ST6GALNAC3: variants seen among roughly 807,000 people sequenced by gnomAD.
ST6GALNAC3 encodes the protein ST6 N-acetylgalactosaminide alpha-2,6-sialyltransferase 3, also known as alpha-N-acetylgalactosaminide alpha-2,6-sialyltransferase 3.
In ST6GALNAC3, 25 loss-of-function variants were observed where a neutral mutation model predicts 32.7. The ratio of observed to expected loss-of-function variants is 0.76; its 90% CI spans 0.56 to 1.07. ST6GALNAC3 has a LOEUF of 1.07. ST6GALNAC3 is among the 50% of genes least tolerant of loss of function. ST6GALNAC3 has a pLI of 0.00. For synonymous variants in ST6GALNAC3, 129 were observed against 133.1 expected, an observed-to-expected ratio of 0.97 and a Z score of 0.21; for missense variants, 355 against 382.4, an observed-to-expected ratio of 0.93 and a Z score of 0.60.
chr1:76,482,916 C>T (rs1659831315), intron 3 of ST6GALNAC3, among the ~76,000 whole-genome samples: 1 of 147,088 alleles, frequency 6.8e-6, no homozygotes, highest in Non-Finnish European at 1.5e-5. Flanking sequence ...TGATGTTCCC[C>T]TTCCTGTGTC....
chr1:76,250,160 T>A (rs1470603712), intron 1 of ST6GALNAC3, among the ~76,000 whole-genome samples: 1 of 152,216 alleles, frequency 6.6e-6, no homozygotes, highest in Non-Finnish European at 1.5e-5. Context: ...GTGACAGATC[T>A]AAGGAATCAG....
At chr1:76,425,395 C>A (rs201031748) in intron 3 of ST6GALNAC3, among the ~76,000 whole-genome samples, 1 of 152,096 alleles carries the variant, frequency 6.6e-6, no homozygotes, top group African/African-American at 2.4e-5. Flanking sequence ...CACCCGCGTA[C>A]ACTCACACCA....
intron 1 of ST6GALNAC3, among the ~76,000 whole-genome samples, chr1:76,254,929 T>G (rs956533720): frequency 9.2e-5 from 14 of 151,996 alleles, no homozygotes; most frequent in Non-Finnish European, 1.5e-4. Flanking sequence ...AACATCATAT[T>G]ACTTCAGGTT....
In ST6GALNAC3 at chr1:76,629,979, TAAC is replaced by T. The variant is rs1159893858; in HGVS notation, c.*1179_*1181del. 1 of 985,088 alleles carries T rather than the reference TAAC, an allele frequency of 1.0e-6. No homozygotes were observed. The allele number at this position is 985,088 out of a possible 1,614,324, so 61.0% of individuals were successfully genotyped here. On this transcript the variant is annotated 3_prime_UTR_variant, in exon 5 of 5. Transcript: ENST00000328299. Reference sequence around the variant, plus strand: ...TAGTGTATCAGTTGTTATGCCACAATAACAACAATAATAATGTTCTTAATGTCC... The same window carrying T: ...TAGTGTATCAGTTGTTATGCCACAATAACAATAATAATGTTCTTAATGTCC...
chr1:76,234,625 C>G (rs1004863637), intron 1 of ST6GALNAC3, among the ~76,000 whole-genome samples: 2 of 152,238 alleles, frequency 1.3e-5, no homozygotes, highest in African/African-American at 4.8e-5. Flanking sequence ...ACCTGAATTT[C>G]TCCATGTAGC....
chr1:76,262,277 C>A (rs1376239811), intron 1 of ST6GALNAC3, among the ~76,000 whole-genome samples: 3 of 152,198 alleles, frequency 2.0e-5, no homozygotes, highest in African/African-American at 7.2e-5. Context: ...CAAATTTTCC[C>A]AGGTTAGTGG....
chr1:76,554,403 C>T (rs1454901002), intron 3 of ST6GALNAC3, among the ~76,000 whole-genome samples: 1 of 152,090 alleles, frequency 6.6e-6, no homozygotes, highest in South Asian at 2.1e-4. Context: ...GTCAGTTTTA[C>T]TCAGCTTCAA....
intron 2 of ST6GALNAC3, among the ~76,000 whole-genome samples, chr1:76,408,833 C>T (rs1007120138): frequency 7.9e-5 from 12 of 151,974 alleles, no homozygotes; most frequent in Non-Finnish European, 1.5e-4. Flanking sequence ...AACGAAGCAA[C>T]TTCTTGGAAT....
At chr1:76,443,488 A>T (rs965979235) in intron 3 of ST6GALNAC3, among the ~76,000 whole-genome samples, 2 of 152,200 alleles carry the variant, frequency 1.3e-5, no homozygotes, top group Non-Finnish European at 2.9e-5. Context: ...AGCTAGGAGG[A>T]GTCTGCTTCC....
At chr1:76,171,822 A>G (rs1273364310) in intron 1 of ST6GALNAC3, among the ~76,000 whole-genome samples, 1 of 150,060 alleles carries the variant, frequency 6.7e-6, no homozygotes, top group South Asian at 2.1e-4. Context: ...AACAACAAAA[A>G]AAAAAAAAAC....
At chr1:76,242,801 TG>T (rs1657042506) in intron 1 of ST6GALNAC3, among the ~76,000 whole-genome samples, 1 of 152,236 alleles carries the variant, frequency 6.6e-6, no homozygotes, top group East Asian at 1.9e-4. Flanking sequence ...TTTTTATGGC[TG>T]CATAGTATTC....
chr1:76,309,975 T>C (rs776149003), intron 1 of ST6GALNAC3: 1 of 498,624 alleles, frequency 2.0e-6, no homozygotes, highest in Non-Finnish European at 4.0e-6. Context: ...TTCTCTCACG[T>C]ATGCATACGT....
In ST6GALNAC3 at chr1:76,630,350, A is replaced by G. The variant is rs984688625; in HGVS notation, c.*1544A>G. 2.0e-6 allele frequency: 2 copies of G among 985,056 alleles called. No individual in the cohort carries two copies. The highest frequency in any genetic ancestry group is 3.5e-5 in the African/African-American group (2 of 57,190). 61.0% of individuals were successfully genotyped at this position (985,056 alleles called of 1,614,324 possible). Reference sequence around the variant, plus strand: ...TATATATACACGTGTGGTTCTATTTAGGTGGGGAAAAAATGAAAAAGCAGG... The same window carrying G: ...TATATATACACGTGTGGTTCTATTTGGGTGGGGAAAAAATGAAAAAGCAGG... On this transcript the variant is annotated 3_prime_UTR_variant, in exon 5 of 5. Coordinates refer to ENST00000328299, the MANE Select transcript of ST6GALNAC3 (RefSeq NM_152996.4).
rs1570403177 is a variant in ST6GALNAC3, at chr1:76,596,788, T to C, written c.624-30664T>C. The stretch of plus-strand genomic sequence containing the variant: ...AACTGTTGCTATCAATGGATCATAC[T>C]CTTGACCAGCTGGGATTGTCTGAGT... On this transcript the variant is annotated intron_variant, in intron 3 of 4. Coordinates refer to ENST00000328299, the MANE Select transcript of ST6GALNAC3 (RefSeq NM_152996.4). 2.0e-5 allele frequency among the ~76,000 whole-genome samples: 3 copies of C among 152,172 alleles called. No individual in the cohort carries two copies. The East Asian group carries it at 5.8e-4, about 29-fold the overall frequency.
intron 1 of ST6GALNAC3, among the ~76,000 whole-genome samples, chr1:76,094,728 A>G (rs1647099656): frequency 6.6e-6 from 1 of 152,218 alleles, no homozygotes; most frequent in Non-Finnish European, 1.5e-5. Context: ...GGAGATGAGC[A>G]TCTCTGGTTT....
chr1:76,077,471 A>G (rs1646832809), intron 1 of ST6GALNAC3, among the ~76,000 whole-genome samples: 1 of 152,192 alleles, frequency 6.6e-6, no homozygotes, highest in Admixed American at 6.5e-5. Flanking sequence ...TTCCTATATA[A>G]GAAATAAAGA....
chr1:76,139,632 T>C (rs1475520110), intron 1 of ST6GALNAC3, among the ~76,000 whole-genome samples: 1 of 152,170 alleles, frequency 6.6e-6, no homozygotes, highest in Non-Finnish European at 1.5e-5. Flanking sequence ...GAAAAAAGTC[T>C]CTGAGGAAAT....
chr1:76,424,749 T>A (rs1655254525), intron 3 of ST6GALNAC3, among the ~76,000 whole-genome samples: 1 of 152,006 alleles, frequency 6.6e-6, no homozygotes, highest in Non-Finnish European at 1.5e-5. Context: ...ATTCTTAATA[T>A]TGGCTTCACC....
intron 1 of ST6GALNAC3, among the ~76,000 whole-genome samples, chr1:76,266,201 G>C (rs559093383): frequency 5.3e-5 from 8 of 152,292 alleles, no homozygotes; most frequent in Non-Finnish European, 7.3e-5. Flanking sequence ...CATAGCTGCA[G>C]GGAACACAGT....
Sources: allele counts gnomAD v4.1 joint callset (sites outside exome capture counted in the v4.1 genomes callset), GRCh38; gene constraint gnomAD v4.1.1; transcripts MANE v1.5; gene names NCBI Gene and HGNC (gene_info 2026-07-23, HGNC 2026-07-21).